PARD3: variants seen among roughly 807,000 people sequenced by gnomAD.
PARD3 encodes par-3 family cell polarity regulator, also known as partitioning defective 3 homolog.
Under a neutral mutation model 155.4 loss-of-function variants are expected in PARD3, and 75 were observed. The ratio of observed to expected loss-of-function variants is 0.48; its 90% CI spans 0.40 to 0.58. PARD3 has a LOEUF of 0.58. Ranked by LOEUF, PARD3 falls within the 20% of genes least tolerant of loss-of-function variation. PARD3 has a pLI of 0.00. For missense variants in PARD3, 1,642 were observed against 1,721.7 expected (o/e 0.95, Z 0.82); for synonymous variants, 576 against 610.5 (o/e 0.94, Z 0.83).
intron 2 of PARD3, among the ~76,000 whole-genome samples, chr10:34,678,085 A>G (rs1335742503): frequency 6.6e-6 from 1 of 151,930 alleles, no homozygotes; most frequent in Non-Finnish European, 1.5e-5. Flanking sequence ...TAATTTATTT[A>G]TTTATTGAGA....
At chr10:34,465,295 A>G (rs1414484752) in intron 4 of PARD3, among the ~76,000 whole-genome samples, 1 of 152,164 alleles carries the variant, frequency 6.6e-6, no homozygotes, top group Non-Finnish European at 1.5e-5. Flanking sequence ...ACATATGCAA[A>G]GAGCAAGCTG....
intron 2 of PARD3, among the ~76,000 whole-genome samples, chr10:34,648,874 C>T (rs969308876): frequency 1.3e-5 from 2 of 152,156 alleles, no homozygotes; most frequent in African/African-American, 4.8e-5. Context: ...AACCAGGAGT[C>T]CTGCTGTTCT....
chr10:34,323,702 T>A (rs2384138), intron 19 of PARD3, among the ~76,000 whole-genome samples: 61,294 of 152,098 alleles, frequency 0.4, 12,646 homozygotes, highest in South Asian at 0.5. Flanking sequence ...CCCATCCCCC[T>A]CAAATGAAGC....
At chr10:34,429,928 T>C (rs1423292456) in intron 5 of PARD3, among the ~76,000 whole-genome samples, 1 of 152,164 alleles carries the variant, frequency 6.6e-6, no homozygotes, top group African/African-American at 2.4e-5. Context: ...TGGATTCTCA[T>C]TATGCTGCCC....
chr10:34,469,811 T>C (rs2078236808), intron 4 of PARD3, among the ~76,000 whole-genome samples: 1 of 152,118 alleles, frequency 6.6e-6, no homozygotes, highest in Non-Finnish European at 1.5e-5. Flanking sequence ...GTTGAATGTT[T>C]TCATTTTTAA....
At chr10:34,492,488 G>A (rs996788162) in intron 3 of PARD3, among the ~76,000 whole-genome samples, 2 of 152,078 alleles carry the variant, frequency 1.3e-5, no homozygotes, top group African/African-American at 2.4e-5. Context: ...AATATAGAAG[G>A]GCTGTTCTGT....
intron 2 of PARD3, among the ~76,000 whole-genome samples, chr10:34,538,939 C>T (rs2083411698): frequency 1.3e-5 from 2 of 152,140 alleles, no homozygotes; most frequent in Admixed American, 1.3e-4. Context: ...TCCACAATTC[C>T]AAAATCAAAT....
chr10:34,351,485 G>C (rs1838075317), intron 14 of PARD3, among the ~76,000 whole-genome samples: 1 of 152,186 alleles, frequency 6.6e-6, no homozygotes, highest in Non-Finnish European at 1.5e-5. Flanking sequence ...GCTTCCAGAG[G>C]ACAGGTGAAC....
intron 3 of PARD3, among the ~76,000 whole-genome samples, chr10:34,480,071 T>G (rs1459488481): frequency 6.6e-6 from 1 of 152,224 alleles, no homozygotes; most frequent in Non-Finnish European, 1.5e-5. Flanking sequence ...CTGCAGTCCT[T>G]GCAGGCACAA....
At chr10:34,311,391 C>A (rs143232338) in intron 20 of PARD3, among the ~76,000 whole-genome samples, 1 of 152,024 alleles carries the variant, frequency 6.6e-6, no homozygotes, top group Admixed American at 6.6e-5. Flanking sequence ...AGTAAGAATG[C>A]AATGCTAACA....
rs1843914623 is a variant in PARD3 at position 34,401,837 on chromosome 10, G to C, written c.795C>G (p.Asn265Lys). ...HADTGLEHIPNFSLDDMVKLV... is the reference protein window; with the variant it reads ...HADTGLEHIPKFSLDDMVKLV... ...CATCAGTAACTTACTCCAGAGAAAA[G>C]TTGGGTATATGCTCCAAACCCGTGT... The change falls in exon 6 of 25, where the codon AAC becomes AAG. Residue 265 changes from asparagine (N) to lysine (K), a missense_variant. Physicochemically the swap from Asn to Lys is moderately conservative, Grantham distance 94. Around this residue, in one of 3 missense-constraint regions of PARD3, gnomAD observed 1,529 missense variants for 1,587.3 expected, o/e 0.96. Coordinates refer to ENST00000374788, the MANE Select transcript of PARD3 (RefSeq NM_001184785.2). 1 of 1,610,924 alleles carries C rather than the reference G, an allele frequency of 6.2e-7. No individual in the cohort carries two copies. Among genetic ancestry groups the C allele is most frequent in the Non-Finnish European group, 8.5e-7 (1 of 1,177,330 alleles).
At chr10:34,203,688 T>A (rs1282276936) in intron 22 of PARD3, among the ~76,000 whole-genome samples, 1 of 152,178 alleles carries the variant, frequency 6.6e-6, no homozygotes, top group African/African-American at 2.4e-5. Context: ...TTCATTCATT[T>A]TTTCCCCGGG....
At position 34,132,743 on chromosome 10, in the gene PARD3, C is replaced by T. The variant is rs190863124; in HGVS notation, c.3420-1160G>A. 2.4e-3 allele frequency among the ~76,000 whole-genome samples: 369 copies of T among 152,174 alleles called. 1 individual carries two copies. The highest frequency in any genetic ancestry group is 8.3e-3 in the African/African-American group (346 of 41,532). On this transcript the variant is annotated intron_variant, in intron 22 of 24. Coordinates refer to ENST00000374788, the MANE Select transcript of PARD3 (RefSeq NM_001184785.2). ...GTCCCACCCTCAGAAGTCTGGAAAC[C>T]CATAACCCTAAATGGGAACAGGCAT...
At chr10:34,258,468 G>T (rs532824929) in intron 22 of PARD3, among the ~76,000 whole-genome samples, 17 of 152,266 alleles carry the variant, frequency 1.1e-4, no homozygotes, top group South Asian at 1.0e-3. Flanking sequence ...CTGAGATTAG[G>T]CTGTTGAAAC....
At chr10:34,665,923 A>T (rs12767135) in intron 2 of PARD3, among the ~76,000 whole-genome samples, 1 of 152,016 alleles carries the variant, frequency 6.6e-6, no homozygotes, top group Non-Finnish European at 1.5e-5. Context: ...AAAGAAAAGA[A>T]AAGATTAGAT....
chr10:34,259,018 A>G (rs1954808887), intron 22 of PARD3, among the ~76,000 whole-genome samples: 1 of 152,132 alleles, frequency 6.6e-6, no homozygotes, highest in Non-Finnish European at 1.5e-5. Context: ...GCAGTGAGCT[A>G]TAATTGCACC....
chr10:34,321,907 C>A (rs945944867), intron 19 of PARD3, among the ~76,000 whole-genome samples: 2 of 152,154 alleles, frequency 1.3e-5, no homozygotes, highest in Non-Finnish European at 2.9e-5. Flanking sequence ...CTAAACTTTA[C>A]AAACATTTTA....
intron 22 of PARD3, among the ~76,000 whole-genome samples, chr10:34,170,061 G>A (rs1430280300): frequency 1.3e-5 from 2 of 152,168 alleles, no homozygotes; most frequent in Admixed American, 6.5e-5. Context: ...GACGTTTATA[G>A]CTTTTCAGAG....
chr10:34,428,402 G>C (rs2075731967), intron 5 of PARD3, among the ~76,000 whole-genome samples: 2 of 152,134 alleles, frequency 1.3e-5, no homozygotes, highest in African/African-American at 4.8e-5. Flanking sequence ...TGCAGTTCCA[G>C]CTAGTTGGGA....
Sources: gnomAD v4.1 joint callset for allele counts (sites outside exome capture counted in the v4.1 genomes callset) on GRCh38, gnomAD v4.1.1 for gene constraint, gnomAD v4.1.1 regional missense constraint, MANE v1.5 for transcripts, NCBI Gene and HGNC (gene_info 2026-07-23, HGNC 2026-07-21) for gene names.